The following A1CF variants were observed in gnomAD, a reference collection of about 807,000 sequenced individuals.
A1CF encodes the protein APOBEC-1 stimulating protein.
In A1CF, 48 loss-of-function variants were observed where a neutral mutation model predicts 68.9. That is an observed-to-expected ratio of 0.70 (90% CI 0.55 to 0.89). The LOEUF (loss-of-function observed/expected upper bound fraction) is 0.89. Among genes scored for constraint, A1CF ranks in the 40% least tolerant of loss-of-function variants. The pLI, the probability that A1CF is intolerant of heterozygous loss-of-function variation, is 0.00. For missense variants in A1CF, 653 were observed against 718.9 expected (o/e 0.91, Z 1.05); for synonymous variants, 272 against 260.4 (o/e 1.04, Z -0.43).
chr10:50,813,730 G>T, intron 10 of A1CF, 127 bp downstream of exon 10: 1 of 884,778 alleles, frequency 1.1e-6, no homozygotes, highest in African/African-American at 1.7e-5. Context: ...ACATTCATTG[G>T]ATGCTTTATA....
chr10:50,822,516 G>T (rs950438357), intron 7 of A1CF, among the ~76,000 whole-genome samples: 15 of 152,262 alleles, frequency 9.9e-5, no homozygotes, highest in African/African-American at 3.6e-4. Flanking sequence ...CAATGACTAA[G>T]AATTATCTTC....
rs186253502 is a variant in A1CF, at chr10:50,801,093, A to T, written c.*5636T>A. 6.6e-6 allele frequency: 1 copy of T among 152,462 alleles called. No homozygotes were observed. The highest frequency in any genetic ancestry group is 1.5e-5 in the Non-Finnish European group (1 of 68,160). The allele number at this position is 152,462 out of a possible 1,614,324, so 9.4% of individuals were successfully genotyped here. A position where few individuals can be genotyped will look rare whatever the true frequency, so the allele number is the denominator to read the frequency against. ...TTGCCCCACCACCTAACCTGGCATAATAATGACTAGCTTGCTCTGCCATAT... is the reference window on the plus strand; with the variant it reads ...TTGCCCCACCACCTAACCTGGCATATTAATGACTAGCTTGCTCTGCCATAT... On this transcript the variant is annotated 3_prime_UTR_variant, in exon 13 of 13. Coordinates refer to ENST00000373997, the MANE Select transcript of A1CF (RefSeq NM_014576.4).
chr10:50,810,097 G>T, intron 11 of A1CF, 55 bp from the exon 12 acceptor site: 1 of 1,598,330 alleles, frequency 6.3e-7, no homozygotes, highest in Non-Finnish European at 8.6e-7. Context: ...ACTGAGTCAG[G>T]TGAAAACTTA....
intron 3 of A1CF, among the ~76,000 whole-genome samples, chr10:50,846,514 A>C (rs542937659): frequency 3.0e-4 from 45 of 152,200 alleles, no homozygotes; most frequent in Non-Finnish European, 5.3e-4. Context: ...AGTTTACTAT[A>C]CATTGGGTGG....
Position 50,844,024 on chromosome 10 carries a change from G to T in A1CF, c.198C>A (p.Asp66Glu), listed in dbSNP as rs1398456840. The T allele has an allele frequency of 1.9e-6, 3 of 1,613,786 alleles. No individual in the cohort carries two copies. Among genetic ancestry groups the T allele is most frequent in the South Asian group, 1.1e-5 (1 of 91,038 alleles). Reference protein sequence around the residue: ...CEIFIGKLPRDLFEDELIPLC... With the variant: ...CEIFIGKLPRELFEDELIPLC... The stretch of plus-strand genomic sequence containing the variant: ...ATGGTATAAGCTCATCCTCAAAAAG[G>T]TCTCGGGGAAGTTTTCCAATAAAAA... The change falls in exon 4 of 13, where the codon GAC becomes GAA. Residue 66 changes from aspartate to glutamate, a missense_variant. By Grantham distance (45) the Asp-to-Glu change is conservative. Coordinates refer to ENST00000373997, the MANE Select transcript of A1CF (RefSeq NM_014576.4).
Position 50,811,144 on chromosome 10 carries a change from CCA to C in A1CF, c.1354_1355del (p.Trp452GlyfsTer49). 2.5e-6 allele frequency: 4 copies of C among 1,612,574 alleles called. No homozygotes were observed. The South Asian group carries it at 4.4e-5, about 18-fold the overall frequency. The stretch of plus-strand genomic sequence containing the variant: ...AGTGCAGCTGGTACACTGGCTGTCC[CCA>C]GTTATTTTTCTGACAAATCTCTTCT... Reference protein sequence around the residue: ...ILEEICQKNNWGQPVYQLHSA... With the variant: ...ILEEICQKNNXGQPVYQLHSA... On this transcript the variant is annotated frameshift_variant, in exon 11 of 13. Transcript: ENST00000373997. LOFTEE classifies it high-confidence loss of function.
At chr10:50,848,643 A>T (rs1044759816) in intron 3 of A1CF, among the ~76,000 whole-genome samples, 1 of 152,108 alleles carries the variant, frequency 6.6e-6, no homozygotes, top group African/African-American at 2.4e-5. Flanking sequence ...CAAGTTTGTA[A>T]TCGTCTTTGT....
chr10:50,810,934 G>A (rs1309107491), intron 11 of A1CF, 106 bp downstream of exon 11: 13 of 1,237,904 alleles, frequency 1.1e-5, no homozygotes, highest in African/African-American at 1.5e-5. Context: ...AATGACAAAT[G>A]AGTAGGTAGT....
In A1CF at chr10:50,800,940, C is replaced by T. The variant is rs1837575411; in HGVS notation, c.*5789G>A. On this transcript the variant is annotated 3_prime_UTR_variant, in exon 13 of 13. Coordinates refer to ENST00000373997, the MANE Select transcript of A1CF (RefSeq NM_014576.4). ...TTTTAAGGTGAAGGTTAACGTAAGA[C>T]CTGTCTGTTTTGGGATAGAAGTAAC... is the stretch of plus-strand genomic sequence containing the variant. 1 of 152,086 alleles carries T rather than the reference C, an allele frequency of 6.6e-6. No individual in the cohort carries two copies. Among genetic ancestry groups the T allele is most frequent in the Non-Finnish European group, 1.5e-5 (1 of 68,018 alleles). The allele number at this position is 152,086 out of a possible 1,614,324, so 9.4% of individuals were successfully genotyped here. A position where few individuals can be genotyped will look rare whatever the true frequency, so the allele number is the denominator to read the frequency against.
intron 1 of A1CF, among the ~76,000 whole-genome samples, chr10:50,882,415 C>T (rs946196700): frequency 2.6e-5 from 4 of 152,076 alleles, no homozygotes; most frequent in Non-Finnish European, 5.9e-5. Context: ...GCCTAGGCAA[C>T]AGAACGATAC....
rs1260354654 is a variant in A1CF at position 50,836,129 on chromosome 10, G to A, written c.549C>T (p.Phe183=). The A allele has an allele frequency of 5.0e-6, 8 of 1,613,974 alleles. No homozygotes were observed. The highest frequency in any genetic ancestry group is 4.2e-6 in the Non-Finnish European group (5 of 1,179,894). The change falls in exon 6 of 13, where the codon TTC becomes TTT. Residue 183 remains phenylalanine (F), a synonymous_variant. Transcript: ENST00000373997. ...ADKTKNRGFA[F]VEYESHRAAA... The stretch of plus-strand genomic sequence containing the variant: ...CTGCTCGATGACTCTCATACTCCAC[G>A]AAGGCAAAGCCTCGGTTTTTGGTTT...
rs1838369900 is a variant in A1CF, at chr10:50,816,292, G to A, written c.868-13C>T. On this transcript the variant is annotated splice_polypyrimidine_tract_variant and intron_variant, in intron 8 of 12. Transcript: ENST00000373997. ...AACCATCCAGCACCTGTTGTAGAGA[G>A]CAAAGAAATATCAACGCGAGATGAT... The A allele has an allele frequency of 1.2e-6, 2 of 1,611,784 alleles. No homozygotes were observed. Among genetic ancestry groups the A allele is most frequent in the Non-Finnish European group, 1.7e-6 (2 of 1,178,614 alleles).
At chr10:50,873,119 C>A (rs1371357266) in intron 1 of A1CF, among the ~76,000 whole-genome samples, 2 of 151,692 alleles carry the variant, frequency 1.3e-5, no homozygotes, top group South Asian at 2.1e-4. Flanking sequence ...CTATGCCTGG[C>A]TAATTTTTGT....
intron 6 of A1CF, among the ~76,000 whole-genome samples, chr10:50,831,441 G>A (rs532584910): frequency 4.9e-4 from 75 of 152,090 alleles, no homozygotes; most frequent in Admixed American, 2.0e-4. Context: ...TTAAAAATGG[G>A]CAAAAGGCCG....
At chr10:50,865,128 G>C (rs1162549587) in intron 1 of A1CF, among the ~76,000 whole-genome samples, 1 of 152,096 alleles carries the variant, frequency 6.6e-6, no homozygotes, top group Non-Finnish European at 1.5e-5. Context: ...AATTTAGCCA[G>C]GTGTAGTGTC....
intron 3 of A1CF, among the ~76,000 whole-genome samples, chr10:50,847,665 A>G (rs986971763): frequency 1.3e-4 from 20 of 152,184 alleles, no homozygotes; most frequent in Non-Finnish European, 1.5e-5. Context: ...AGAACTTAAA[A>G]ATGACAGATA....
chr10:50,847,189 A>G (rs1355501126), intron 3 of A1CF, among the ~76,000 whole-genome samples: 1 of 152,214 alleles, frequency 6.6e-6, no homozygotes, highest in Non-Finnish European at 1.5e-5. Context: ...AAAAGAATAT[A>G]GATTTTTGTT....
At chr10:50,833,783 G>A (rs529484619) in intron 6 of A1CF, among the ~76,000 whole-genome samples, 15 of 152,286 alleles carry the variant, frequency 9.8e-5, no homozygotes, top group Non-Finnish European at 2.1e-4. Context: ...AGGTGAAGAA[G>A]TTTGCTCTGG....
Position 50,814,151 on chromosome 10 carries a change from G to A in A1CF, c.1142-113C>T, listed in dbSNP as rs140673611. The stretch of plus-strand genomic sequence containing the variant: ...TAATGGAAAAGTTAGCCCAATTCAC[G>A]TTGATTATTGCCCTGAAGATGGGTG... On this transcript the variant is annotated intron_variant, in intron 9 of 12. Coordinates refer to ENST00000373997, the MANE Select transcript of A1CF (RefSeq NM_014576.4). 4.7e-4 allele frequency: 538 copies of A among 1,133,854 alleles called. 3 individuals are homozygous for A. The African/African-American group carries it at 7.0e-3, about 15-fold the overall frequency. The allele number at this position is 1,133,854 out of a possible 1,614,324, so 70.2% of individuals were successfully genotyped here.
Sources: gnomAD v4.1 joint callset for allele counts (sites outside exome capture counted in the v4.1 genomes callset) on GRCh38, gnomAD v4.1.1 for gene constraint, MANE v1.5 for transcripts, NCBI Gene and HGNC (gene_info 2026-07-23, HGNC 2026-07-21) for gene names.